GRAMD1B: variants seen among roughly 807,000 people sequenced by gnomAD.
The protein encoded by GRAMD1B is GRAM domain containing 1B, also known as protein Aster-B.
A neutral mutation model predicts 99.7 loss-of-function variants in GRAMD1B; 37 were observed. The ratio of observed to expected loss-of-function variants is 0.37; its 90% CI spans 0.29 to 0.49. The LOEUF (loss-of-function observed/expected upper bound fraction) is 0.49. GRAMD1B is among the 20% of genes least tolerant of loss of function. The pLI is 0.98. For synonymous variants in GRAMD1B, 427 were observed against 387.6 expected (o/e 1.10, Z -1.19); for missense variants, 888 against 1,009.2 (o/e 0.88, Z 1.63).
chr11:123,560,109 A>T (rs1358593462), intron 2 of GRAMD1B, among the ~76,000 whole-genome samples: 1 of 144,922 alleles, frequency 6.9e-6, no homozygotes. Flanking sequence ...CCACGCTGGC[A>T]TGAATAATTG....
rs533637173 is a variant in GRAMD1B at position 123,448,580 on chromosome 11, T to C, written c.374+17414T>C. 4.6e-5 allele frequency among the ~76,000 whole-genome samples: 7 copies of C among 152,352 alleles called. No individual in the cohort carries two copies. The East Asian group carries it at 1.4e-3, about 29-fold the overall frequency. On this transcript the variant is annotated intron_variant, in intron 1 of 19. Coordinates refer to ENST00000635736, the MANE Select transcript of GRAMD1B (RefSeq NM_001387025.1). ...GGCGATTTCATCCATTCTCTTGGCT[T>C]TAATTATTCCTGTCTGAGACCTCAT...
Position 123,431,174 on chromosome 11 carries a change from C to A in GRAMD1B, c.374+8C>A. 1.4e-6 allele frequency: 1 copy of A among 692,518 alleles called. No homozygotes were observed. The highest frequency in any genetic ancestry group is 2.6e-6 in the Non-Finnish European group (1 of 378,722). The allele number at this position is 692,518 out of a possible 1,614,324, so 42.9% of individuals were successfully genotyped here. A position where few individuals can be genotyped will look rare whatever the true frequency, so the allele number is the denominator to read the frequency against. On this transcript the variant is annotated splice_region_variant and intron_variant, in intron 1 of 19. Transcript: ENST00000635736. The stretch of plus-strand genomic sequence containing the variant: ...GGAGTGCAGTGAAAGCAGGTACGTC[C>A]CCGTTCCGCCCGTCTCCTTCCCTTC...
At chr11:123,432,381 A>G (rs1225562332) in intron 1 of GRAMD1B, among the ~76,000 whole-genome samples, 1 of 151,988 alleles carries the variant, frequency 6.6e-6, no homozygotes, top group Admixed American at 6.6e-5. Flanking sequence ...ACATGGCGAA[A>G]CTCCATTTCT....
intron 1 of GRAMD1B, chr11:123,460,061 T>G (rs1950338730): frequency 6.6e-6 from 1 of 151,198 alleles, no homozygotes; most frequent in Non-Finnish European, 1.5e-5. Flanking sequence ...GGAGTGTGAT[T>G]GGACATACGT....
At chr11:123,463,259 C>A (rs898543299) in intron 1 of GRAMD1B, among the ~76,000 whole-genome samples, 1 of 152,230 alleles carries the variant, frequency 6.6e-6, no homozygotes, top group Non-Finnish European at 1.5e-5. Context: ...GTGATCCACC[C>A]GCCTTGGCTT....
Position 123,362,625 on chromosome 11 carries a change from C to T in GRAMD1B, c.-176+3826C>T, listed in dbSNP as rs1040195726. Among the ~76,000 whole-genome samples, 16 of 152,246 alleles carry T rather than the reference C, an allele frequency of 1.1e-4. No homozygotes were observed. In the South Asian group the frequency reaches 3.1e-3, roughly 30 times the overall value. On this transcript the variant is annotated intron_variant, in intron 1 of 20. Transcript: ENST00000638157. ...CTCCCACCCCATGAGTTGCTGAGCT[C>T]AATGGATAGTAAACATATTAATCTA...
At chr11:123,560,063 T>C (rs1430928978) in intron 2 of GRAMD1B, among the ~76,000 whole-genome samples, 2 of 105,736 alleles carry the variant, frequency 1.9e-5, no homozygotes, top group Non-Finnish European at 3.7e-5. Flanking sequence ...GAAGAGGAAA[T>C]AACCCCCCCC....
chr11:123,405,410 T>A (rs1458453969), intron 1 of GRAMD1B, among the ~76,000 whole-genome samples: 3 of 152,002 alleles, frequency 2.0e-5, no homozygotes, highest in Non-Finnish European at 4.4e-5. Flanking sequence ...GTGACGGCAG[T>A]GGAGAGGGGC....
chr11:123,592,221 C>T (rs1950741095), intron 4 of GRAMD1B, among the ~76,000 whole-genome samples: 1 of 152,118 alleles, frequency 6.6e-6, no homozygotes, highest in Non-Finnish European at 1.5e-5. Context: ...GGCCGCAAAG[C>T]AGGTAAATAT....
chr11:123,596,387 CAT>C (rs1335196521), intron 7 of GRAMD1B, among the ~76,000 whole-genome samples: 4 of 152,164 alleles, frequency 2.6e-5, no homozygotes, highest in African/African-American at 7.2e-5. Context: ...TATATGAAAA[CAT>C]ATATGAAAAT....
chr11:123,457,908 G>A (rs922478196), intron 1 of GRAMD1B, among the ~76,000 whole-genome samples: 2 of 151,920 alleles, frequency 1.3e-5, no homozygotes, highest in Non-Finnish European at 2.9e-5. Context: ...TAGAGACAGG[G>A]TCCTGCTATG....
chr11:123,554,525 CAAAAAAAA>C (rs750680684), intron 2 of GRAMD1B, among the ~76,000 whole-genome samples: 15 of 86,538 alleles, frequency 1.7e-4, no homozygotes, highest in African/African-American at 4.8e-4. Context: ...CCCATCTTTA[CAAAAAAAA>C]AAAAAAAAAA....
intron 1 of GRAMD1B, among the ~76,000 whole-genome samples, chr11:123,478,666 C>T (rs1951426929): frequency 6.6e-6 from 1 of 152,114 alleles, no homozygotes; most frequent in African/African-American, 2.4e-5. Flanking sequence ...GTTCTGGGAG[C>T]CCCCTTTATT....
chr11:123,360,075 A>G (rs1946087041), intron 1 of GRAMD1B, among the ~76,000 whole-genome samples: 1 of 152,020 alleles, frequency 6.6e-6, no homozygotes, highest in Non-Finnish European at 1.5e-5. Context: ...GTCCCACTAT[A>G]CTCCTAAGCT....
At chr11:123,429,144 G>C (rs1948756847), upstream of GRAMD1B, among the ~76,000 whole-genome samples, 1 of 152,172 alleles carries the variant, frequency 6.6e-6, no homozygotes, top group African/African-American at 2.4e-5. This position sits in a 1 kb window ranked among gnomAD's most constrained non-coding sequence, Gnocchi z 4.0. Context: ...GGTGAGCCAT[G>C]ACTGCACCAC....
At chr11:123,598,926 TC>T in intron 7 of GRAMD1B, 1 of 1,114,062 alleles carries the variant, frequency 9.0e-7, no homozygotes, top group Non-Finnish European at 1.4e-6. Flanking sequence ...ATTCCTCCTG[TC>T]TTTAGGAATG....
chr11:123,520,794 G>C (rs1198273290), intron 2 of GRAMD1B, among the ~76,000 whole-genome samples: 1 of 131,396 alleles, frequency 7.6e-6, no homozygotes, highest in Non-Finnish European at 1.6e-5. Context: ...AAAAAAAAAA[G>C]AAAGAAAGAA....
chr11:123,576,028 C>T (rs912974194), intron 2 of GRAMD1B, among the ~76,000 whole-genome samples: 5 of 151,842 alleles, frequency 3.3e-5, no homozygotes, highest in Admixed American at 2.0e-4. Context: ...CAAAAGTTAC[C>T]GCACTGCCTG....
chr11:123,577,696 C>T, intron 3 of GRAMD1B, 119 bp downstream of exon 3: 1 of 723,546 alleles, frequency 1.4e-6, no homozygotes, highest in Non-Finnish European at 2.4e-6. Flanking sequence ...CCTGATGGCT[C>T]AGAGACAGTC....
Sources: gnomAD v4.1 joint callset for allele counts (sites outside exome capture counted in the v4.1 genomes callset) on GRCh38, gnomAD v4.1.1 for gene constraint, Gnocchi (gnomAD v3.1) non-coding constraint, MANE v1.5 for transcripts, NCBI Gene and HGNC (gene_info 2026-07-23, HGNC 2026-07-21) for gene names.